Variants in MYOM3 observed in about 807,000 individuals in gnomAD.
MYOM3 encodes the protein myomesin-3.
In MYOM3, 155 loss-of-function variants were observed where a neutral mutation model predicts 191.7. The ratio of observed to expected loss-of-function variants is 0.81; its 90% CI spans 0.71 to 0.92. MYOM3 has a LOEUF of 0.92. Among genes scored for constraint, MYOM3 ranks in the 40% least tolerant of loss-of-function variants. The probability of loss-of-function intolerance (pLI) is 0.00; values close to 1 mark genes in which losing one functional copy is unlikely to be tolerated. For missense variants in MYOM3, 1,889 were observed against 1,890.6 expected (o/e 1.00, Z 0.02); for synonymous variants, 757 against 762.9 (o/e 0.99, Z 0.13).
intron 23 of MYOM3, among the ~76,000 whole-genome samples, chr1:24,072,411 C>T (rs1293491091): frequency 1.3e-5 from 2 of 152,216 alleles, no homozygotes; most frequent in Non-Finnish European, 2.9e-5. Context: ...GGCCTTATTG[C>T]TCACCCCTGT....
chr1:24,102,927 C>T (rs751441405), intron 5 of MYOM3, among the ~76,000 whole-genome samples: 5 of 152,120 alleles, frequency 3.3e-5, no homozygotes, highest in East Asian at 1.9e-4. Context: ...TGGGGCTGGA[C>T]GGAACCTCTG....
intron 20 of MYOM3, among the ~76,000 whole-genome samples, chr1:24,078,481 T>C (rs1309314182): frequency 6.6e-6 from 1 of 152,216 alleles, no homozygotes; most frequent in African/African-American, 2.4e-5. Context: ...CACCGTATCC[T>C]ATTTGTTAGT....
At chr1:24,091,755 G>A (rs1231852793) in intron 11 of MYOM3, among the ~76,000 whole-genome samples, 6 of 152,228 alleles carry the variant, frequency 3.9e-5, no homozygotes, top group African/African-American at 7.2e-5. Context: ...GGCCTTCAGA[G>A]CCGGCCACAC....
intron 17 of MYOM3, 175 bp downstream of exon 17, chr1:24,082,418 A>T: frequency 9.8e-7 from 1 of 1,020,896 alleles, no homozygotes; most frequent in African/African-American, 1.6e-5. Flanking sequence ...CATGGCCTCA[A>T]GCCATGGTTA....
chr1:24,094,693 C>G (rs1436008799), intron 9 of MYOM3, among the ~76,000 whole-genome samples, 160 bp downstream of exon 9: 2 of 152,150 alleles, frequency 1.3e-5, no homozygotes, highest in Non-Finnish European at 2.9e-5. Flanking sequence ...GATCTGACCA[C>G]ACCTGGCTGC....
chr1:24,071,654 T>G (rs1271599468), intron 24 of MYOM3, among the ~76,000 whole-genome samples: 1 of 152,210 alleles, frequency 6.6e-6, no homozygotes. Context: ...CTCTAGGGAC[T>G]GTACACACTG....
intron 5 of MYOM3, 98 bp from the exon 6 acceptor site, chr1:24,099,873 GTT>G: frequency 1.1e-6 from 1 of 933,480 alleles, no homozygotes; most frequent in Non-Finnish European, 1.7e-6. Context: ...TTTTTGTTTT[GTT>G]TTGTTTTTTT....
At chr1:24,076,514 T>TTC (rs1643602187) in intron 20 of MYOM3, among the ~76,000 whole-genome samples, 2 of 51,272 alleles carry the variant, frequency 3.9e-5, no homozygotes. Context: ...TTTCTTTTTT[T>TTC]TTTTTTTTTT....
In MYOM3 at chr1:24,058,954, C is replaced by A. The variant is rs765350357; in HGVS notation, c.4020G>T (p.Leu1340=). 6.2e-7 allele frequency: 1 copy of A among 1,612,124 alleles called. No individual in the cohort carries two copies. Among genetic ancestry groups the A allele is most frequent in the Non-Finnish European group, 8.5e-7 (1 of 1,179,368 alleles). ...EKNRAKVVRG[L]PDVATIMEDK... is the part of the protein sequence containing the mutation. Reference sequence around the variant, plus strand: ...CTTCCATGATAGTGGCCACATCCGGCAGACCTCTCACCACTTTGGCACGAT... The same window carrying A: ...CTTCCATGATAGTGGCCACATCCGGAAGACCTCTCACCACTTTGGCACGAT... The change falls in exon 36 of 37, where the codon CTG becomes CTT. Residue 1340 remains leucine, a synonymous_variant. Coordinates refer to ENST00000374434, the MANE Select transcript of MYOM3 (RefSeq NM_152372.4).
At chr1:24,066,263 T>C (rs1643433011) in intron 28 of MYOM3, 2 of 716,414 alleles carry the variant, frequency 2.8e-6, no homozygotes, top group Non-Finnish European at 5.2e-6. Flanking sequence ...AAGCATCCCA[T>C]AGTCACCCCC....
At chr1:24,057,868 A>G (rs1258105339) in intron 36 of MYOM3, among the ~76,000 whole-genome samples, 6 of 152,124 alleles carry the variant, frequency 3.9e-5, no homozygotes, top group Non-Finnish European at 8.8e-5. Flanking sequence ...GTGCAGTGGC[A>G]TGATCTCGGC....
chr1:24,061,204 C>G (rs1643365576), intron 34 of MYOM3, 69 bp downstream of exon 34: 5 of 1,608,912 alleles, frequency 3.1e-6, no homozygotes, highest in Non-Finnish European at 4.3e-6. Flanking sequence ...GGAAGGAGTC[C>G]TGAGCCTAGT....
intron 25 of MYOM3, among the ~76,000 whole-genome samples, 198 bp from the exon 26 acceptor site, chr1:24,068,565 G>A (rs1643484066): frequency 6.6e-6 from 1 of 151,924 alleles, no homozygotes. Context: ...ACAATTTTTT[G>A]TTGTTGTTTT....
At chr1:24,090,208 C>T in intron 12 of MYOM3, 90 bp from the exon 13 acceptor site, 3 of 1,050,894 alleles carry the variant, frequency 2.9e-6, no homozygotes, top group Non-Finnish European at 4.4e-6. Context: ...GCGTCCTGCC[C>T]CGTCCCAGTC....
At chr1:24,075,558 G>T in intron 21 of MYOM3, 83 bp from the exon 22 acceptor site, 1 of 1,401,930 alleles carries the variant, frequency 7.1e-7, no homozygotes. Flanking sequence ...AAACCTCCAG[G>T]GCCTGCCTGT....
At position 24,087,041 on chromosome 1, in the gene MYOM3, C is replaced by T. The variant is rs6678938; in HGVS notation, c.1615-214G>A. ...CCTCACGTCCAGCCTGTCCACAACG[C>T]GGCTCCAGAGCTTCCCACACCTGCA... On this transcript the variant is annotated intron_variant, in intron 14 of 36. Coordinates refer to ENST00000374434, the MANE Select transcript of MYOM3 (RefSeq NM_152372.4). The surrounding 1 kb of genome is among the most constrained non-coding windows in gnomAD (Gnocchi z 4.5). Among the ~76,000 whole-genome samples, 60,649 of 151,900 alleles carry T rather than the reference C, an allele frequency of 0.4. 12,463 individuals are homozygous for T. Among genetic ancestry groups the T allele is most frequent in the East Asian group, 0.46 (2,334 of 5,116 alleles).
chr1:24,069,628 G>A (rs1440237124), intron 25 of MYOM3, among the ~76,000 whole-genome samples: 1 of 66,978 alleles, frequency 1.5e-5, no homozygotes, highest in Admixed American at 1.6e-4. Flanking sequence ...TTTTTTTTTT[G>A]AGACAGAGTC....
In MYOM3 at chr1:24,090,691, C is replaced by T; in HGVS notation, c.1432+106G>A. The stretch of plus-strand genomic sequence containing the variant: ...TACTGAGGGCTGGGCTGTGCTTCCT[C>T]CACCAGACTCGGGGCTCCTGAGGGC... On this transcript the variant is annotated intron_variant, in intron 12 of 36. Coordinates refer to ENST00000374434, the MANE Select transcript of MYOM3 (RefSeq NM_152372.4). 8 of 1,137,798 alleles carry T rather than the reference C, an allele frequency of 7.0e-6. No individual in the cohort carries two copies. In the South Asian group the frequency reaches 1.1e-4, roughly 16 times the overall value. The allele number at this position is 1,137,798 out of a possible 1,614,324, so 70.5% of individuals were successfully genotyped here. A position where few individuals can be genotyped will look rare whatever the true frequency, so the allele number is the denominator to read the frequency against.
At chr1:24,064,924 G>C (rs918720223) in intron 29 of MYOM3, among the ~76,000 whole-genome samples, 2 of 152,208 alleles carry the variant, frequency 1.3e-5, no homozygotes, top group African/African-American at 4.8e-5. Context: ...TGGGTGACTG[G>C]AGTGGCTTCT....
Sources: allele counts gnomAD v4.1 joint callset (sites outside exome capture counted in the v4.1 genomes callset), GRCh38; gene constraint gnomAD v4.1.1; non-coding constraint Gnocchi (gnomAD v3.1); transcripts MANE v1.5; gene names NCBI Gene and HGNC (gene_info 2026-07-23, HGNC 2026-07-21).